ZXDC: variants seen among roughly 807,000 people sequenced by gnomAD.
ZXDC encodes zinc finger protein ZXDC.
ZXDC carries 58 observed loss-of-function variants against 63.6 expected under a neutral mutation model. The observed-to-expected ratio is 0.91, with a 90% CI of 0.74 to 1.13. ZXDC has a LOEUF of 1.13. Among genes scored for constraint, ZXDC ranks in the 50% most tolerant of loss-of-function variants. ZXDC has a pLI of 0.00. For synonymous variants in ZXDC, 561 were observed against 496.1 expected, an observed-to-expected ratio of 1.13 and a Z score of -1.74; for missense variants, 1,133 against 1,148.9, an observed-to-expected ratio of 0.99 and a Z score of 0.20.
chr3:126,447,403 G>A (rs2107632984), intron 7 of ZXDC, among the ~76,000 whole-genome samples: 1 of 152,286 alleles, frequency 6.6e-6, no homozygotes, highest in Non-Finnish European at 1.5e-5. Context: ...ATACAAATAT[G>A]TACTGTGCAA....
Position 126,475,772 on chromosome 3 carries a change from CGAGCGGCGCTGGGGCTCGGCG to C in ZXDC, c.73_93del (p.Arg25_Leu31del). On this transcript the variant is annotated inframe_deletion, in exon 1 of 10. Coordinates refer to ENST00000389709, the MANE Select transcript of ZXDC (RefSeq NM_025112.5). The stretch of plus-strand genomic sequence containing the variant: ...AGGCGGCGGCGCGCGGGGCTCGCGC[CGAGCGGCGCTGGGGCTCGGCG>C]GAGCGGGCCGGGGCCGCCGCCATGT... The C allele has an allele frequency of 8.8e-7, 1 of 1,137,774 alleles. No individual in the cohort carries two copies. The highest frequency in any genetic ancestry group is 1.1e-6 in the Non-Finnish European group (1 of 930,072). 70.5% of individuals were successfully genotyped at this position (1,137,774 alleles called of 1,614,324 possible).
At chr3:126,448,629 G>A (rs1933972674) in intron 7 of ZXDC, among the ~76,000 whole-genome samples, 1 of 152,192 alleles carries the variant, frequency 6.6e-6, no homozygotes, top group Non-Finnish European at 1.5e-5. Context: ...AGCACGTCGT[G>A]GGGCTGCCAC....
At chr3:126,444,333 CCATCCTGGCTAA>C (rs1933796216) in intron 7 of ZXDC, among the ~76,000 whole-genome samples, 1 of 152,140 alleles carries the variant, frequency 6.6e-6, no homozygotes, top group African/African-American at 2.4e-5. Context: ...GAGATCGAGA[CCATCCTGGCTAA>C]CACGGTGAAA....
At chr3:126,441,021 G>C (rs1039761183) in intron 8 of ZXDC, 168 of 985,414 alleles carry the variant, frequency 1.7e-4, no homozygotes, top group Non-Finnish European at 2.0e-4. Flanking sequence ...GTGAAGAGGG[G>C]CACACACCTG....
intron 4 of ZXDC, 106 bp from the exon 5 acceptor site, chr3:126,466,431 C>T (rs1934769657): frequency 8.0e-7 from 1 of 1,253,316 alleles, no homozygotes; most frequent in Non-Finnish European, 1.1e-6. Context: ...CATTTTGCAC[C>T]CTGGCTACTG....
intron 1 of ZXDC, among the ~76,000 whole-genome samples, chr3:126,473,395 C>T (rs1301817694): frequency 6.6e-6 from 1 of 152,210 alleles, no homozygotes; most frequent in African/African-American, 2.4e-5. Context: ...CTTCCCTGGT[C>T]CTGCTCCTGC....
At chr3:126,454,963 G>A in intron 7 of ZXDC, 1 of 985,406 alleles carries the variant, frequency 1.0e-6, no homozygotes, top group Non-Finnish European at 1.2e-6. Context: ...CTATTGCTCA[G>A]ACTGTACATT....
At chr3:126,469,087 G>A (rs1934883567) in intron 4 of ZXDC, among the ~76,000 whole-genome samples, 1 of 152,170 alleles carries the variant, frequency 6.6e-6, no homozygotes, top group African/African-American at 2.4e-5. Context: ...TTACAGATAA[G>A]GAAGAGGCAC....
rs1339696013 is a variant in ZXDC at position 126,470,871 on chromosome 3, TCAAAG to T, written c.1270+19_1270+23del. 6.2e-7 allele frequency: 1 copy of T among 1,613,344 alleles called. No homozygotes were observed. The stretch of plus-strand genomic sequence containing the variant: ...GTTGGCATTGCACTTAGTTTACTGC[TCAAAG>T]CAATGTTTTAAAATCTACCTTCCAC... On this transcript the variant is annotated intron_variant, in intron 4 of 9. Transcript: ENST00000389709.
Position 126,475,635 on chromosome 3 carries a change from C to G in ZXDC, c.231G>C (p.Val77=). 1.4e-6 allele frequency: 2 copies of G among 1,472,824 alleles called. No individual in the cohort carries two copies. The highest frequency in any genetic ancestry group is 1.8e-6 in the Non-Finnish European group (2 of 1,110,578). The allele number at this position is 1,472,824 out of a possible 1,614,324, so 91.2% of individuals were successfully genotyped here. ...EDDSDGDSFL[V]LLEVPHGGAA... is the part of the protein sequence containing the mutation. The stretch of plus-strand genomic sequence containing the variant: ...CGCCGCCGTGCGGCACTTCCAGCAG[C>G]ACCAAGAAAGAGTCGCCGTCGCTGT... The change falls in exon 1 of 10, where the codon GTG becomes GTC. Residue 77 remains valine (V), a synonymous_variant. Transcript: ENST00000389709.
At chr3:126,444,308 A>G (rs558117174) in intron 7 of ZXDC, among the ~76,000 whole-genome samples, 434 of 152,342 alleles carry the variant, frequency 2.8e-3, no homozygotes, top group South Asian at 0.018. Flanking sequence ...CAAGGCGGGC[A>G]GATTACAAGG....
At chr3:126,446,217 G>C (rs1560090802) in intron 7 of ZXDC, among the ~76,000 whole-genome samples, 1 of 152,156 alleles carries the variant, frequency 6.6e-6, no homozygotes, top group South Asian at 2.1e-4. Context: ...GTGGGGAGAG[G>C]AGCAGTATAA....
chr3:126,438,682 G>A (rs577590879), intron 9 of ZXDC, among the ~76,000 whole-genome samples: 1 of 152,184 alleles, frequency 6.6e-6, no homozygotes, highest in Non-Finnish European at 1.5e-5. Flanking sequence ...GCACATTGAC[G>A]TATACCCTCA....
chr3:126,475,596 A>T lies in ZXDC; in HGVS notation c.270T>A (p.Ala90=), dbSNP rs761133346. The T allele has an allele frequency of 1.2e-5, 18 of 1,467,648 alleles. No individual in the cohort carries two copies. The highest frequency in any genetic ancestry group is 1.6e-5 in the Non-Finnish European group (18 of 1,107,406). 90.9% of individuals were successfully genotyped at this position (1,467,648 alleles called of 1,614,324 possible). Residue 90 remains alanine (A), a synonymous_variant, in exon 1 of 10, where the codon GCT becomes GCA. Coordinates refer to ENST00000389709, the MANE Select transcript of ZXDC (RefSeq NM_025112.5). ...EVPHGGAAAE[A]AGSQEAEPGS... ...CAGGCTCGGCCTCCTGTGATCCGGC[A>T]GCCTCGGCGGCAGCGCCGCCGTGCG...
rs1933613508 is a variant in ZXDC at position 126,439,900 on chromosome 3, AC to A, written c.2395-174del. ...GAATTGTTTATGGGGGCTGGGTACTACCTGTTCCCACCTGGTTCTCATTCTG... is the reference window on the plus strand; with the variant it reads ...GAATTGTTTATGGGGGCTGGGTACTACTGTTCCCACCTGGTTCTCATTCTG... On this transcript the variant is annotated intron_variant, in intron 8 of 9. Transcript: ENST00000389709. The A allele has an allele frequency of 7.8e-5, 110 of 1,417,610 alleles. No homozygotes were observed. The South Asian group carries it at 1.6e-3, about 20-fold the overall frequency. The allele number at this position is 1,417,610 out of a possible 1,614,324, so 87.8% of individuals were successfully genotyped here.
intron 9 of ZXDC, among the ~76,000 whole-genome samples, chr3:126,438,707 C>T (rs987514803): frequency 6.6e-6 from 1 of 152,204 alleles, no homozygotes; most frequent in Admixed American, 6.5e-5. Context: ...TTCATATACC[C>T]ATATGCCTTT....
intron 6 of ZXDC, chr3:126,459,977 T>C (rs1934461617): frequency 1.0e-6 from 1 of 985,366 alleles, no homozygotes; most frequent in Non-Finnish European, 1.2e-6. Context: ...CATTCCTTCA[T>C]AGTCTAAAAC....
intron 4 of ZXDC, among the ~76,000 whole-genome samples, chr3:126,466,719 C>T (rs1374503465): frequency 6.6e-6 from 1 of 151,954 alleles, no homozygotes; most frequent in African/African-American, 2.4e-5. Flanking sequence ...AAATGTAATC[C>T]TAGGATGACA....
chr3:126,442,072 G>T, intron 7 of ZXDC, 126 bp from the exon 8 acceptor site: 2 of 1,121,898 alleles, frequency 1.8e-6, no homozygotes, highest in Non-Finnish European at 2.3e-6. Flanking sequence ...GCTAAGAGAC[G>T]TAAAATCACT....
Sources: gnomAD v4.1 joint callset for allele counts (sites outside exome capture counted in the v4.1 genomes callset) on GRCh38, gnomAD v4.1.1 for gene constraint, MANE v1.5 for transcripts, NCBI Gene and HGNC (gene_info 2026-07-23, HGNC 2026-07-21) for gene names.